Variants in CPNE5 observed in about 807,000 individuals in gnomAD.
CPNE5 encodes copine 5, also known as copine-5.
Under a neutral mutation model 81.1 loss-of-function variants are expected in CPNE5, and 42 were observed. The ratio of observed to expected loss-of-function variants is 0.52; its 90% CI spans 0.40 to 0.67. CPNE5 has a LOEUF of 0.67. Ranked by LOEUF, CPNE5 falls within the 30% of genes least tolerant of loss-of-function variation. CPNE5 has a pLI of 0.00. For missense variants in CPNE5, 612 were observed against 815.5 expected, an observed-to-expected ratio of 0.75 and a Z score of 3.04; for synonymous variants, 313 against 321.5, an observed-to-expected ratio of 0.97 and a Z score of 0.28.
chr6:36,768,225 C>CTTTTTTTCTTTTTTTTTTTTTTTTTTTT lies in CPNE5; in HGVS notation c.738-2850_738-2849insAAAAAAAAAAAAAAAAAAAAGAAAAAAA. 5.5e-3 allele frequency among the ~76,000 whole-genome samples: 333 copies of CTTTTTTTCTTTTTTTTTTTTTTTTTTTT among 60,502 alleles called. 98 individuals carry two copies. Among genetic ancestry groups the CTTTTTTTCTTTTTTTTTTTTTTTTTTTT allele is most frequent in the Non-Finnish European group, 8.0e-3 (261 of 32,804 alleles). The allele number at this position is 60,502 out of a possible 152,430, so 39.7% of individuals were successfully genotyped here. On this transcript the variant is annotated intron_variant, in intron 10 of 20. Coordinates refer to ENST00000244751, the MANE Select transcript of CPNE5 (RefSeq NM_020939.2). Reference sequence around the variant, plus strand: ...GGCTTTGACTACTCTATTCACAGTTCTTTTTTTTTTTTTTTTTTTTTTTTT... The same window carrying CTTTTTTTCTTTTTTTTTTTTTTTTTTTT: ...GGCTTTGACTACTCTATTCACAGTTCTTTTTTTCTTTTTTTTTTTTTTTTTTTTTTTTTTTTTTTTTTTTTTTTTTTTT...
intron 8 of CPNE5, among the ~76,000 whole-genome samples, chr6:36,779,796 A>G (rs1231561978): frequency 1.3e-5 from 2 of 152,134 alleles, no homozygotes; most frequent in Non-Finnish European, 2.9e-5. Flanking sequence ...GGCACTGGGC[A>G]GAGATGTCCC....
intron 11 of CPNE5, among the ~76,000 whole-genome samples, chr6:36,763,319 G>A (rs1766232786): frequency 6.6e-6 from 1 of 152,164 alleles, no homozygotes; most frequent in African/African-American, 2.4e-5. Flanking sequence ...TAAAAATATT[G>A]TGGCCGGGCG....
intron 19 of CPNE5, 135 bp from the exon 20 acceptor site, chr6:36,743,897 T>G: frequency 1.3e-6 from 1 of 748,294 alleles, no homozygotes; most frequent in Non-Finnish European, 2.2e-6. Context: ...GTGTTAGAGA[T>G]GAGGAAACTG....
chr6:36,815,948 G>C (rs910954399), intron 3 of CPNE5, among the ~76,000 whole-genome samples: 1 of 152,214 alleles, frequency 6.6e-6, no homozygotes, highest in Non-Finnish European at 1.5e-5. Flanking sequence ...GCTGCCTGGT[G>C]AGGGAGGGGC....
In CPNE5 at chr6:36,745,062, C is replaced by T; in HGVS notation, c.1417G>A (p.Glu473Lys). The change falls in exon 18 of 21, where the codon GAG (glutamate) becomes AAG (lysine). Residue 473 changes from glutamate to lysine, a missense_variant. By Grantham distance (56) the Glu-to-Lys change is moderately conservative (BLOSUM62 1). Transcript: ENST00000244751. ...GVISDMAQTK[E>K]AIVNAAKLPM... is the part of the protein sequence containing the mutation. ...TCCTTGCTTACGTTGACAATGGCCT[C>T]CTTGGTCTGCGCCATGTCCGAGATG... The T allele has an allele frequency of 1.2e-6, 2 of 1,613,760 alleles. No homozygotes were observed. The highest frequency in any genetic ancestry group is 8.5e-7 in the Non-Finnish European group (1 of 1,179,608).
At chr6:36,808,655 C>T (rs895807654) in intron 3 of CPNE5, among the ~76,000 whole-genome samples, 6 of 152,154 alleles carry the variant, frequency 3.9e-5, no homozygotes, top group African/African-American at 1.4e-4. Context: ...ATCATTCCTT[C>T]CTCCAGATGG....
chr6:36,839,412 C>G lies in CPNE5; in HGVS notation c.-35G>C. On this transcript the variant is annotated 5_prime_UTR_variant, in exon 1 of 21. Coordinates refer to ENST00000244751, the MANE Select transcript of CPNE5 (RefSeq NM_020939.2). This position sits in a 1 kb window ranked among gnomAD's most constrained non-coding sequence, Gnocchi z 7.3. ...CACCCCCCACCCCAAATTAGTCAATCCCTGCGCGATTCACGCCTCCTCCGG... is the reference window on the plus strand; with the variant it reads ...CACCCCCCACCCCAAATTAGTCAATGCCTGCGCGATTCACGCCTCCTCCGG... 2 of 1,510,604 alleles carry G rather than the reference C, an allele frequency of 1.3e-6. No individual in the cohort carries two copies. Among genetic ancestry groups the G allele is most frequent in the African/African-American group, 1.4e-5 (1 of 71,924 alleles). The allele number at this position is 1,510,604 out of a possible 1,614,324, so 93.6% of individuals were successfully genotyped here. A position where few individuals can be genotyped will look rare whatever the true frequency, so the allele number is the denominator to read the frequency against.
chr6:36,833,405 C>G (rs1480512671), intron 1 of CPNE5, among the ~76,000 whole-genome samples: 6 of 152,168 alleles, frequency 3.9e-5, no homozygotes, highest in Admixed American at 2.6e-4. Context: ...GTGGGCGGGA[C>G]CTGGGAATAT....
chr6:36,803,025 A>C (rs886586845), intron 3 of CPNE5, among the ~76,000 whole-genome samples: 1 of 152,198 alleles, frequency 6.6e-6, no homozygotes, highest in African/African-American at 2.4e-5. Flanking sequence ...ACTGTACCCC[A>C]GCCTGAGCGA....
intron 14 of CPNE5, among the ~76,000 whole-genome samples, chr6:36,750,252 C>T (rs1054962794): frequency 5.9e-5 from 9 of 152,224 alleles, no homozygotes; most frequent in African/African-American, 2.2e-4. Context: ...AACCACAGCT[C>T]TATCAGCCCA....
intron 1 of CPNE5, among the ~76,000 whole-genome samples, chr6:36,833,940 A>C (rs1453772241): frequency 6.6e-6 from 1 of 152,130 alleles, no homozygotes; most frequent in Non-Finnish European, 1.5e-5. Context: ...GTATTATGTG[A>C]GGCCAGGTGC....
At chr6:36,798,009 C>T (rs949346228) in intron 6 of CPNE5, among the ~76,000 whole-genome samples, 156 bp downstream of exon 6, 1 of 152,058 alleles carries the variant, frequency 6.6e-6, no homozygotes, top group Non-Finnish European at 1.5e-5. Flanking sequence ...GATTAGAAGC[C>T]CTGTGAGAGC....
At chr6:36,798,380 C>G in intron 5 of CPNE5, 75 bp downstream of exon 5, 2 of 1,554,526 alleles carry the variant, frequency 1.3e-6, no homozygotes, top group South Asian at 2.2e-5. Flanking sequence ...TCCATCACAG[C>G]AAAGCCCCAG....
intron 20 of CPNE5, 42 bp downstream of exon 20, chr6:36,743,647 G>A (rs1000905001): frequency 8.9e-6 from 14 of 1,579,298 alleles, no homozygotes; most frequent in African/African-American, 1.3e-5. Context: ...GGCTAGAGGG[G>A]CTCTTGAATT....
At chr6:36,788,644 CGTTTT>C (rs1562139482) in intron 8 of CPNE5, among the ~76,000 whole-genome samples, 2 of 147,208 alleles carry the variant, frequency 1.4e-5, no homozygotes, top group African/African-American at 5.0e-5. Flanking sequence ...CAGTAACAAT[CGTTTT>C]ACTGCTGTAT....
At chr6:36,751,744 G>A (rs536422449) in intron 14 of CPNE5, among the ~76,000 whole-genome samples, 16 of 152,278 alleles carry the variant, frequency 1.1e-4, no homozygotes, top group African/African-American at 3.9e-4. Flanking sequence ...GCAGTAAGCC[G>A]AGATTGTGCC....
chr6:36,769,772 C>A (rs969633728), intron 10 of CPNE5, among the ~76,000 whole-genome samples: 1 of 152,206 alleles, frequency 6.6e-6, no homozygotes, highest in Non-Finnish European at 1.5e-5. Flanking sequence ...GAGAACGGTA[C>A]GATGCCCTTC....
At position 36,745,048 on chromosome 6, in the gene CPNE5, G is replaced by A. The variant is rs201460845; in HGVS notation, c.1431C>T (p.Asn477=). The A allele has an allele frequency of 4.3e-5, 70 of 1,610,964 alleles. No individual in the cohort carries two copies. In the Admixed American group the frequency reaches 5.3e-4, roughly 12 times the overall value. Residue 477 remains asparagine, a splice_region_variant and synonymous_variant, in exon 18 of 21, where the codon AAC becomes AAT. Transcript: ENST00000244751. Reference sequence around the variant, plus strand: ...CCCCCACCGCACACTCCTTGCTTACGTTGACAATGGCCTCCTTGGTCTGCG... The same window carrying A: ...CCCCCACCGCACACTCCTTGCTTACATTGACAATGGCCTCCTTGGTCTGCG... The part of the protein sequence containing the change: ...DMAQTKEAIV[N]AAKLPMSIII...
chr6:36,830,811 G>A (rs973743659), intron 1 of CPNE5, among the ~76,000 whole-genome samples: 3 of 152,010 alleles, frequency 2.0e-5, no homozygotes, highest in Admixed American at 6.6e-5. Context: ...AGAAACGTAG[G>A]AAGCACACTC....
Sources: gnomAD v4.1 joint callset for allele counts (sites outside exome capture counted in the v4.1 genomes callset) on GRCh38, gnomAD v4.1.1 for gene constraint, Gnocchi (gnomAD v3.1) non-coding constraint, MANE v1.5 for transcripts, NCBI Gene and HGNC (gene_info 2026-07-23, HGNC 2026-07-21) for gene names.